The following RAF1 variants were observed in gnomAD, a reference collection of about 807,000 sequenced individuals.
The protein encoded by RAF1 is RAF proto-oncogene serine/threonine-protein kinase.
Under a neutral mutation model 81.1 loss-of-function variants are expected in RAF1, and 27 were observed. The observed-to-expected ratio is 0.33, with a 90% CI of 0.25 to 0.46. The LOEUF is 0.46. RAF1 is among the 20% of genes least tolerant of loss of function. RAF1 has a pLI of 1.00. For synonymous variants in RAF1, 298 were observed against 294.0 expected (o/e 1.01, Z -0.14); for missense variants, 598 against 826.0 (o/e 0.72, Z 3.38).
At chr3:12,599,354 C>T (rs1246929575) in intron 11 of RAF1, 1 of 288,420 alleles carries the variant, frequency 3.5e-6, no homozygotes, top group Non-Finnish European at 6.6e-6. Flanking sequence ...TTCTAGAACC[C>T]ATGCTCCCTC....
chr3:12,607,949 CAAAAAAAAAAA>C lies in RAF1; in HGVS notation c.581+806_581+816del, dbSNP rs58308841. Among the ~76,000 whole-genome samples the C allele has an allele frequency of 9.0e-5, 6 of 66,862 alleles. No homozygotes were observed. The East Asian group carries it at 1.7e-3, about 19-fold the overall frequency. The allele number at this position is 66,862 out of a possible 152,430, so 43.9% of individuals were successfully genotyped here. A position where few individuals can be genotyped will look rare whatever the true frequency, so the allele number is the denominator to read the frequency against. On this transcript the variant is annotated intron_variant, in intron 5 of 17. Transcript: ENST00000442415. ...CTAATGACAGAAAGAGACTTGTCTC[CAAAAAAAAAAA>C]AAAAAAAAAAAAAGGGTGGGGGACA...
chr3:12,627,712 A>G (rs182632269), intron 1 of RAF1, among the ~76,000 whole-genome samples: 19 of 144,816 alleles, frequency 1.3e-4, no homozygotes, highest in African/African-American at 4.7e-4. Context: ...CTTTGAGGAT[A>G]TATTTGCTTT....
chr3:12,584,650 G>A lies in RAF1; in HGVS notation c.1871C>T (p.Ser624Phe), dbSNP rs748925179. Residue 624 changes from serine (S) to phenylalanine (F), a missense_variant, in exon 18 of 18, where the codon TCT becomes TTT. By Grantham distance (155) the Ser-to-Phe change is radical. This residue lies in a region of RAF1 where 147 missense variants were observed against 196.1 expected (regional missense o/e 0.75). Coordinates refer to ENST00000442415, the MANE Select transcript of RAF1 (RefSeq NM_001354689.3). ...AGAGTGTTGGAGCAGCTCAATGGAA[G>A]ACAGGATCTGAAACAAAGCCCAAGA... 6.2e-7 allele frequency: 1 copy of A among 1,614,014 alleles called. No homozygotes were observed. The highest frequency in any genetic ancestry group is 8.5e-7 in the Non-Finnish European group (1 of 1,180,022).
chr3:12,597,663 C>T (rs148319071), intron 11 of RAF1, among the ~76,000 whole-genome samples: 1 of 152,238 alleles, frequency 6.6e-6, no homozygotes, highest in African/African-American at 2.4e-5. Context: ...ACCTGCAATC[C>T]CAGTACTTTG....
chr3:12,611,017 A>C (rs929541290), intron 3 of RAF1, among the ~76,000 whole-genome samples: 6 of 152,144 alleles, frequency 3.9e-5, no homozygotes, highest in Non-Finnish European at 8.8e-5. Flanking sequence ...AAAAAAAAAA[A>C]TTAGTGAATG....
At chr3:12,605,720 G>A (rs976940969) in intron 6 of RAF1, among the ~76,000 whole-genome samples, 2 of 150,218 alleles carry the variant, frequency 1.3e-5, no homozygotes, top group African/African-American at 2.5e-5. Context: ...CAAACTCAGA[G>A]ACACATGAGA....
chr3:12,637,346 C>CG (rs1451341831), intron 1 of RAF1, among the ~76,000 whole-genome samples: 1 of 43,624 alleles, frequency 2.3e-5, no homozygotes, highest in African/African-American at 2.4e-4. Flanking sequence ...CTTCTATTAA[C>CG]ATTTTTTTTT....
In RAF1 at chr3:12,584,831, C is replaced by T. The variant is rs1216386766; in HGVS notation, c.1863+16G>A. 2 of 1,613,886 alleles carry T rather than the reference C, an allele frequency of 1.2e-6. No homozygotes were observed. The highest frequency in any genetic ancestry group is 1.7e-6 in the Non-Finnish European group (2 of 1,179,930). ...AACCCATGCTTTAATCACATTCTAG[C>T]AGCCCTGAGCCTTACCTGGGGAAAA... On this transcript the variant is annotated intron_variant, in intron 17 of 17. Transcript: ENST00000442415.
rs5746213 is a variant in RAF1, at chr3:12,603,299, A to G, written c.894+179T>C. On this transcript the variant is annotated intron_variant, in intron 8 of 17. Transcript: ENST00000442415. ...CACATACAACATTTTTTTTACTTCT[A>G]TATACTCTACTGCCAAAAAAAATTT... Among the ~76,000 whole-genome samples, 333 of 152,258 alleles carry G rather than the reference A, an allele frequency of 2.2e-3. 1 individual carries two copies. The highest frequency in any genetic ancestry group is 7.7e-3 in the African/African-American group (319 of 41,560).
chr3:12,641,811 T>C (rs2348197), intron 1 of RAF1, among the ~76,000 whole-genome samples: 127,824 of 152,086 alleles, frequency 0.84, 54,115 homozygotes, highest in East Asian at 0.94. Flanking sequence ...CTTTCTTAAG[T>C]GTAACTACGT....
At chr3:12,620,477 A>T (rs1205768016) in intron 1 of RAF1, among the ~76,000 whole-genome samples, 1 of 151,454 alleles carries the variant, frequency 6.6e-6, no homozygotes, top group Non-Finnish European at 1.5e-5. Context: ...CTTTTTAATT[A>T]ATTTATTTTC....
Position 12,606,301 on chromosome 3 carries a change from TA to T in RAF1, c.582-3del. ...CCAATAGTGGAATTTGGAAACAATC[TA>T]AACAAAAGCAGGGAAAGACTGGTTT... On this transcript the variant is annotated splice_polypyrimidine_tract_variant and splice_region_variant and intron_variant, in intron 5 of 17. Coordinates refer to ENST00000442415, the MANE Select transcript of RAF1 (RefSeq NM_001354689.3). 1 of 1,606,946 alleles carries T rather than the reference TA, an allele frequency of 6.2e-7. No individual in the cohort carries two copies. The highest frequency in any genetic ancestry group is 8.5e-7 in the Non-Finnish European group (1 of 1,173,794).
rs548103931 is a variant in RAF1 at position 12,657,561 on chromosome 3, C to A, written c.-27+6252G>T. Reference sequence around the variant, plus strand: ...CCGAGGTGGGCAGATTACCTGAGGTCGGGAGTTCGAGACCAGTCTCACTAT... The same window carrying A: ...CCGAGGTGGGCAGATTACCTGAGGTAGGGAGTTCGAGACCAGTCTCACTAT... On this transcript the variant is annotated intron_variant, in intron 1 of 17. Coordinates refer to ENST00000442415, the MANE Select transcript of RAF1 (RefSeq NM_001354689.3). 2.6e-5 allele frequency among the ~76,000 whole-genome samples: 4 copies of A among 152,112 alleles called. No homozygotes were observed. In the South Asian group the frequency reaches 6.3e-4, roughly 24 times the overall value.
In RAF1 at chr3:12,591,761, G is replaced by A. The variant is rs397516814; in HGVS notation, c.1200C>T (p.Val400=). 3.7e-6 allele frequency: 6 copies of A among 1,613,988 alleles called. No homozygotes were observed. In the Admixed American group the frequency reaches 6.7e-5, roughly 18 times the overall value. The stretch of plus-strand genomic sequence containing the variant: ...CCTGGAATTGCTCTGGGGTTGGGTC[G>A]ACAACCTTTAGGATCTTTACTGCAA... The change falls in exon 12 of 18, where the codon GTC becomes GTT. Residue 400 remains valine (V), a synonymous_variant. Transcript: ENST00000442415.
chr3:12,623,269 C>A (rs577354498), intron 1 of RAF1, among the ~76,000 whole-genome samples: 1 of 152,244 alleles, frequency 6.6e-6, no homozygotes, highest in South Asian at 2.1e-4. Context: ...GAAGAATCCA[C>A]TGATAAGACT....
chr3:12,657,915 C>T (rs961090794), intron 1 of RAF1, among the ~76,000 whole-genome samples: 1 of 151,684 alleles, frequency 6.6e-6, no homozygotes, highest in African/African-American at 2.4e-5. Context: ...CAGTCACTGA[C>T]CATTCCCTAC....
At chr3:12,637,763 A>G (rs9871419) in intron 1 of RAF1, among the ~76,000 whole-genome samples, 127,541 of 151,766 alleles carry the variant, frequency 0.84, 53,983 homozygotes, top group East Asian at 0.94. Flanking sequence ...TGAGGCAGGA[A>G]AAGCGCTTGA....
chr3:12,616,034 A>C (rs903366344), intron 2 of RAF1, among the ~76,000 whole-genome samples: 1 of 152,112 alleles, frequency 6.6e-6, no homozygotes, highest in East Asian at 1.9e-4. Flanking sequence ...CCTGGGTGAC[A>C]GTGAGAGCCT....
chr3:12,584,789 T>C, intron 17 of RAF1, 58 bp downstream of exon 16: 1 of 1,613,846 alleles, frequency 6.2e-7, no homozygotes, highest in African/African-American at 1.3e-5. Context: ...CACCTTATAT[T>C]GCCATCTTTA....
Sources: allele counts gnomAD v4.1 joint callset (sites outside exome capture counted in the v4.1 genomes callset), GRCh38; gene constraint gnomAD v4.1.1; regional missense constraint gnomAD v4.1.1; transcripts MANE v1.5; gene names NCBI Gene and HGNC (gene_info 2026-07-23, HGNC 2026-07-21).